SLCO3A1: variants seen among roughly 807,000 people sequenced by gnomAD.
SLCO3A1 encodes the protein PGE1 transporter.
In SLCO3A1, 27 loss-of-function variants were observed where a neutral mutation model predicts 63.1. That is an observed-to-expected ratio of 0.43 (90% confidence interval 0.32 to 0.59). SLCO3A1 has a LOEUF of 0.59. Among genes scored for constraint, SLCO3A1 ranks in the 20% least tolerant of loss-of-function variants. The pLI, the probability that SLCO3A1 is intolerant of heterozygous loss-of-function variation, is 0.09. For missense variants in SLCO3A1, 773 were observed against 945.8 expected (o/e 0.82, Z 2.40); for synonymous variants, 473 against 409.9 (o/e 1.15, Z -1.86).
intron 2 of SLCO3A1, among the ~76,000 whole-genome samples, chr15:91,927,026 C>G (rs879799834): frequency 3.9e-5 from 6 of 152,076 alleles, no homozygotes; most frequent in Non-Finnish European, 7.3e-5. Context: ...GAATGTTGTT[C>G]ACTGTTCAGC....
intron 2 of SLCO3A1, among the ~76,000 whole-genome samples, chr15:91,935,204 G>A (rs1379730213): frequency 7.2e-5 from 11 of 152,228 alleles, no homozygotes; most frequent in African/African-American, 2.2e-4. Flanking sequence ...TGCCCGCCTC[G>A]GCCTCCCAAA....
intron 7 of SLCO3A1, 85 bp downstream of exon 7, chr15:92,128,574 C>T (rs1003960144): frequency 7.9e-7 from 1 of 1,263,630 alleles, no homozygotes; most frequent in Non-Finnish European, 1.1e-6. Context: ...GGTTGTTCGC[C>T]TTCCCTGTGA....
chr15:91,909,828 G>A (rs1426469698), intron 1 of SLCO3A1, among the ~76,000 whole-genome samples: 8 of 152,200 alleles, frequency 5.3e-5, no homozygotes, highest in Admixed American at 5.2e-4. Flanking sequence ...CCTCTGTTGA[G>A]CTGGATCTCT....
At chr15:92,068,193 C>T (rs570167764) in intron 2 of SLCO3A1, among the ~76,000 whole-genome samples, 58 of 152,262 alleles carry the variant, frequency 3.8e-4, no homozygotes, top group African/African-American at 1.1e-3. Context: ...TAGAGCGGCA[C>T]GAAGCTATTT....
intron 2 of SLCO3A1, among the ~76,000 whole-genome samples, chr15:92,061,927 A>G (rs2047091352): frequency 6.6e-6 from 1 of 152,198 alleles, no homozygotes; most frequent in South Asian, 2.1e-4. Context: ...CAAGATCTGG[A>G]TTTTGGCAAC....
chr15:92,146,726 G>C (rs921218260), intron 7 of SLCO3A1, among the ~76,000 whole-genome samples: 1 of 152,182 alleles, frequency 6.6e-6, no homozygotes, highest in Non-Finnish European at 1.5e-5. Context: ...CTGTGGTTCA[G>C]CTTACTGAGG....
intron 3 of SLCO3A1, among the ~76,000 whole-genome samples, chr15:92,096,323 C>G (rs1432010232): frequency 6.6e-6 from 1 of 152,186 alleles, no homozygotes; most frequent in African/African-American, 2.4e-5. Flanking sequence ...GAAGTGACAT[C>G]TCATTACTTC....
chr15:92,165,231 C>T lies in SLCO3A1; in HGVS notation c.*2096C>T. ...GATGCTTCTGAGACAGGCCTTTCAA[C>T]TGCTTAGTGTTAGTATGTCCTTGCT... On this transcript the variant is annotated 3_prime_UTR_variant, in exon 10 of 10. Transcript: ENST00000318445. The T allele has an allele frequency of 1.0e-6, 1 of 985,224 alleles. No homozygotes were observed. Among genetic ancestry groups the T allele is most frequent in the Non-Finnish European group, 1.2e-6 (1 of 829,922 alleles). The allele number at this position is 985,224 out of a possible 1,614,324, so 61.0% of individuals were successfully genotyped here.
At chr15:92,051,479 A>G (rs938362386) in intron 2 of SLCO3A1, among the ~76,000 whole-genome samples, 2 of 152,214 alleles carry the variant, frequency 1.3e-5, no homozygotes, top group African/African-American at 4.8e-5. Context: ...GATTTGCTCA[A>G]TGGAACCAAA....
At chr15:91,922,558 A>G (rs984269142) in intron 2 of SLCO3A1, among the ~76,000 whole-genome samples, 1 of 152,200 alleles carries the variant, frequency 6.6e-6, no homozygotes, top group African/African-American at 2.4e-5. Context: ...CTGGGAGCAA[A>G]GAGTTATTTG....
rs116555105 is a variant in SLCO3A1, at chr15:91,970,836, G to A, written c.646+54378G>A. ...GAGCTTCCACCTGTGTACAAGGGGC[G>A]TCTGCCGTCCTCATGCTACTAATGC... On this transcript the variant is annotated intron_variant, in intron 2 of 9. Transcript: ENST00000318445. Among the ~76,000 whole-genome samples, 556 of 152,228 alleles carry A rather than the reference G, an allele frequency of 3.7e-3. 3 individuals carry two copies. The highest frequency in any genetic ancestry group is 0.012 in the African/African-American group (505 of 41,564).
chr15:91,961,227 T>A (rs1031412899), intron 2 of SLCO3A1, among the ~76,000 whole-genome samples: 4 of 152,220 alleles, frequency 2.6e-5, no homozygotes, highest in African/African-American at 9.6e-5. Context: ...TTGTAGAAGA[T>A]TCATTAATTT....
chr15:92,131,807 A>C (rs2048000502), intron 7 of SLCO3A1, among the ~76,000 whole-genome samples: 1 of 145,316 alleles, frequency 6.9e-6, no homozygotes, highest in Admixed American at 6.8e-5. Flanking sequence ...TCTCTCCTTC[A>C]CCACTGCTGA....
intron 2 of SLCO3A1, among the ~76,000 whole-genome samples, chr15:92,012,742 TA>T (rs33945478): frequency 0.33 from 41,817 of 125,754 alleles, 6,983 homozygotes; most frequent in East Asian, 0.68. Flanking sequence ...GTCTCTAATT[TA>T]AAAAAAAAAA....
At chr15:92,051,752 A>G (rs11857430) in intron 2 of SLCO3A1, among the ~76,000 whole-genome samples, 23,817 of 152,068 alleles carry the variant, frequency 0.16, 1,939 homozygotes, top group African/African-American at 0.19. Context: ...ACAGCCGTGA[A>G]ATCAGCAGAT....
At chr15:91,982,137 T>G (rs2045995873) in intron 2 of SLCO3A1, among the ~76,000 whole-genome samples, 1 of 152,266 alleles carries the variant, frequency 6.6e-6, no homozygotes, top group Non-Finnish European at 1.5e-5. Flanking sequence ...GCCAATGCCG[T>G]GGCTCTTGCT....
At chr15:91,901,733 T>C (rs936474541) in intron 1 of SLCO3A1, among the ~76,000 whole-genome samples, 1 of 152,202 alleles carries the variant, frequency 6.6e-6, no homozygotes, top group Non-Finnish European at 1.5e-5. Flanking sequence ...AGTTGCCATC[T>C]TTTCTTGCTG....
intron 2 of SLCO3A1, among the ~76,000 whole-genome samples, chr15:91,960,741 A>T (rs1190373228): frequency 6.6e-6 from 1 of 152,166 alleles, no homozygotes; most frequent in Non-Finnish European, 1.5e-5. Flanking sequence ...CTTATCCAAA[A>T]TGCTTGGGAT....
chr15:92,024,469 T>A (rs2046546692), intron 2 of SLCO3A1, among the ~76,000 whole-genome samples: 1 of 152,214 alleles, frequency 6.6e-6, no homozygotes, highest in Non-Finnish European at 1.5e-5. Context: ...TCATGATTAG[T>A]CTGTATTTAA....
Sources: gnomAD v4.1 joint callset for allele counts (sites outside exome capture counted in the v4.1 genomes callset) on GRCh38, gnomAD v4.1.1 for gene constraint, MANE v1.5 for transcripts, NCBI Gene and HGNC (gene_info 2026-07-23, HGNC 2026-07-21) for gene names.